THSD4: variants seen among roughly 807,000 people sequenced by gnomAD.
The protein encoded by THSD4 is thrombospondin type 1 domain containing 4.
In THSD4, 69 loss-of-function variants were observed where a neutral mutation model predicts 119.0. The ratio of observed to expected loss-of-function variants is 0.58; its 90% CI spans 0.48 to 0.71. THSD4 has a LOEUF of 0.71. THSD4 is among the 30% of genes least tolerant of loss of function. The probability of loss-of-function intolerance (pLI) is 0.00; values close to 1 mark genes in which losing one functional copy is unlikely to be tolerated. For synonymous variants in THSD4, 524 were observed against 540.4 expected, an observed-to-expected ratio of 0.97 and a Z score of 0.42; for missense variants, 1,393 against 1,391.1, an observed-to-expected ratio of 1.00 and a Z score of -0.02.
At chr15:71,627,296 T>C (rs943402245) in intron 7 of THSD4, among the ~76,000 whole-genome samples, 7 of 152,220 alleles carry the variant, frequency 4.6e-5, no homozygotes, top group African/African-American at 1.4e-4. Flanking sequence ...GTTTGTGTAG[T>C]ATGTCACCTC....
At chr15:71,573,239 G>A (rs2049392050) in intron 7 of THSD4, among the ~76,000 whole-genome samples, 1 of 152,158 alleles carries the variant, frequency 6.6e-6, no homozygotes, top group South Asian at 2.1e-4. Context: ...ACATGCAGTA[G>A]GTGCCCAGTA....
chr15:71,282,158 A>G (rs2044660449), intron 6 of THSD4, among the ~76,000 whole-genome samples: 1 of 152,152 alleles, frequency 6.6e-6, no homozygotes, highest in South Asian at 2.1e-4. Flanking sequence ...ATGCTGAGTA[A>G]TATTTTATTT....
At chr15:71,199,694 TGTGTGGTGTCTGG>T (rs1225068109) in intron 3 of THSD4, among the ~76,000 whole-genome samples, 116 of 63,934 alleles carry the variant, frequency 1.8e-3, no homozygotes, top group East Asian at 3.2e-3. Context: ...GTGTGTGGTG[TGTGTGGTGTCTGG>T]GTGTGTGGTG....
At chr15:71,338,005 T>C (rs2045510564) in intron 6 of THSD4, among the ~76,000 whole-genome samples, 1 of 152,178 alleles carries the variant, frequency 6.6e-6, no homozygotes, top group Non-Finnish European at 1.5e-5. Context: ...GTAAAATGCC[T>C]TGTTGTACCT....
intron 7 of THSD4, among the ~76,000 whole-genome samples, chr15:71,610,297 C>T (rs1397538765): frequency 6.6e-6 from 1 of 152,202 alleles, no homozygotes; most frequent in Non-Finnish European, 1.5e-5. Context: ...AGGGCACCTT[C>T]TGCCATCTTC....
chr15:71,539,663 T>G (rs2048731639), intron 7 of THSD4, among the ~76,000 whole-genome samples: 1 of 152,246 alleles, frequency 6.6e-6, no homozygotes, highest in Non-Finnish European at 1.5e-5. Flanking sequence ...TATTTGAATT[T>G]CCTTGAGGAA....
rs555450293 is a variant in THSD4 at position 71,488,640 on chromosome 15, A to AT, written c.1152+76825dup. On this transcript the variant is annotated intron_variant, in intron 7 of 17. Transcript: ENST00000261862. ...TCTGGAGTCAGTTTAAGTAAATTGT[A>AT]TTTTTTTTCAAAAATTGTCCATTCT... is the stretch of plus-strand genomic sequence containing the variant. Among the ~76,000 whole-genome samples, 29 of 151,238 alleles carry AT rather than the reference A, an allele frequency of 1.9e-4. No individual in the cohort carries two copies. In the South Asian group the frequency reaches 3.6e-3, roughly 19 times the overall value.
chr15:71,130,297 C>T (rs2077600963), intron 1 of THSD4, among the ~76,000 whole-genome samples: 1 of 152,104 alleles, frequency 6.6e-6, no homozygotes, highest in South Asian at 2.1e-4. Flanking sequence ...TCGATCCTCC[C>T]ACCTCAGCCT....
rs575668941 is a variant in THSD4, at chr15:71,506,078, A to G, written c.1152+94255A>G. ...ATACTGAATGTTTTCTTTCAAAAAGAATTGATCGTGCACCTTCTGTGTTCA... is the reference window on the plus strand; with the variant it reads ...ATACTGAATGTTTTCTTTCAAAAAGGATTGATCGTGCACCTTCTGTGTTCA... On this transcript the variant is annotated intron_variant, in intron 7 of 17. Transcript: ENST00000261862. 3.2e-3 allele frequency among the ~76,000 whole-genome samples: 481 copies of G among 152,330 alleles called. 8 individuals carry two copies. In the South Asian group the frequency reaches 0.042, roughly 13 times the overall value.
At chr15:71,759,473 G>A (rs1481588474) in intron 15 of THSD4, among the ~76,000 whole-genome samples, 1 of 152,240 alleles carries the variant, frequency 6.6e-6, no homozygotes, top group East Asian at 1.9e-4. Context: ...TATACATAAA[G>A]AGAATTACCC....
At chr15:71,151,733 C>T (rs2141380481) in intron 2 of THSD4, among the ~76,000 whole-genome samples, 1 of 152,320 alleles carries the variant, frequency 6.6e-6, no homozygotes, top group Middle Eastern at 3.4e-3. Flanking sequence ...TTCTCCTGCC[C>T]TATTGCTGGA....
chr15:71,459,960 C>T (rs1342947120), intron 7 of THSD4, among the ~76,000 whole-genome samples: 1 of 152,102 alleles, frequency 6.6e-6, no homozygotes, highest in Non-Finnish European at 1.5e-5. Flanking sequence ...TCAACCATAC[C>T]TTTTGCAGCC....
At position 71,731,530 on chromosome 15, in the gene THSD4, G is replaced by A. The variant is rs530987898; in HGVS notation, c.1630+313G>A. On this transcript the variant is annotated intron_variant, in intron 10 of 17. Transcript: ENST00000261862. Reference sequence around the variant, plus strand: ...AAGGGGGCTCATGCCTGTAATCCTAGCACTCTGGGAGGCCGACGCAGGTGG... The same window carrying A: ...AAGGGGGCTCATGCCTGTAATCCTAACACTCTGGGAGGCCGACGCAGGTGG... 8.7e-5 allele frequency: 28 copies of A among 321,284 alleles called. No individual in the cohort carries two copies. In the East Asian group the frequency reaches 9.4e-4, roughly 11 times the overall value. The allele number at this position is 321,284 out of a possible 1,614,324, so 19.9% of individuals were successfully genotyped here. A position where few individuals can be genotyped will look rare whatever the true frequency, so the allele number is the denominator to read the frequency against.
At chr15:71,577,701 C>CTTTA (rs1338733080) in intron 7 of THSD4, among the ~76,000 whole-genome samples, 3 of 14,436 alleles carry the variant, frequency 2.1e-4, no homozygotes, top group Non-Finnish European at 5.7e-4. Context: ...CTGGTGCAAC[C>CTTTA]TTTATTTATT....
intron 6 of THSD4, among the ~76,000 whole-genome samples, chr15:71,288,913 A>G (rs1479210140): frequency 6.6e-6 from 1 of 152,184 alleles, no homozygotes; most frequent in Non-Finnish European, 1.5e-5. Flanking sequence ...AGGAAATATA[A>G]CACTCAATGG....
intron 3 of THSD4, among the ~76,000 whole-genome samples, chr15:71,201,352 C>G (rs1281225637): frequency 6.6e-6 from 1 of 152,148 alleles, no homozygotes; most frequent in African/African-American, 2.4e-5. Flanking sequence ...CTCACAGGCT[C>G]AGGGTGTGGA....
chr15:71,693,620 T>C (rs1595869138), intron 8 of THSD4, among the ~76,000 whole-genome samples: 1 of 152,288 alleles, frequency 6.6e-6, no homozygotes, highest in African/African-American at 2.4e-5. Flanking sequence ...GGTTTGGCTG[T>C]GTCTCCACCC....
At chr15:71,426,538 C>A (rs2046871859) in intron 7 of THSD4, among the ~76,000 whole-genome samples, 1 of 152,068 alleles carries the variant, frequency 6.6e-6, no homozygotes. Context: ...ACTTTGTGGG[C>A]TTTGCTTAGA....
intron 6 of THSD4, among the ~76,000 whole-genome samples, chr15:71,258,558 G>A (rs774099660): frequency 1.3e-5 from 2 of 152,150 alleles, no homozygotes; most frequent in Non-Finnish European, 2.9e-5. Flanking sequence ...TACTATCTTT[G>A]TAACTTTCCT....
Sources: allele counts gnomAD v4.1 joint callset (sites outside exome capture counted in the v4.1 genomes callset), GRCh38; gene constraint gnomAD v4.1.1; transcripts MANE v1.5; gene names NCBI Gene and HGNC (gene_info 2026-07-23, HGNC 2026-07-21).